The following DACH1 variants were observed in gnomAD, a reference collection of about 807,000 sequenced individuals.
DACH1 encodes the protein dachshund homolog 1.
In DACH1, 12 loss-of-function variants were observed where a neutral mutation model predicts 54.2. The ratio of observed to expected loss-of-function variants is 0.22; its 90% CI spans 0.14 to 0.36. DACH1 has a LOEUF of 0.36. Among genes scored for constraint, DACH1 ranks in the 10% least tolerant of loss-of-function variants. DACH1 has a pLI of 1.00. For synonymous variants in DACH1, 386 were observed against 366.2 expected (o/e 1.05, Z -0.62); for missense variants, 805 against 929.8 (o/e 0.87, Z 1.75).
At chr13:71,572,391 A>G (rs1053427424) in intron 4 of DACH1, among the ~76,000 whole-genome samples, 1 of 152,094 alleles carries the variant, frequency 6.6e-6, no homozygotes, top group African/African-American at 2.4e-5. Flanking sequence ...TACTTCATTT[A>G]GTTTTTACAA....
chr13:71,487,691 A>G (rs1878651399), intron 7 of DACH1, among the ~76,000 whole-genome samples: 1 of 152,204 alleles, frequency 6.6e-6, no homozygotes, highest in Non-Finnish European at 1.5e-5. Flanking sequence ...CTTTCAGTTA[A>G]TGACAATCCA....
At chr13:71,552,775 A>G (rs1223174895) in intron 6 of DACH1, among the ~76,000 whole-genome samples, 1 of 127,552 alleles carries the variant, frequency 7.8e-6, no homozygotes, top group African/African-American at 3.0e-5. Context: ...GCATATATAT[A>G]TATATATATG....
intron 1 of DACH1, among the ~76,000 whole-genome samples, chr13:71,731,411 C>T (rs1011123568): frequency 6.6e-6 from 1 of 151,490 alleles, no homozygotes; most frequent in South Asian, 2.1e-4. Flanking sequence ...CCTGCCTCAG[C>T]CTCCTGGGAC....
Position 71,770,494 on chromosome 13 carries a change from G to A in DACH1, c.849-88584C>T, listed in dbSNP as rs542739375. On this transcript the variant is annotated intron_variant, in intron 1 of 10. Coordinates refer to ENST00000613252, the MANE Select transcript of DACH1 (RefSeq NM_080759.6). ...ATCAGTTATATTATTCACATGCCCC[G>A]TAATCCAGTAACATTTCATTTTCTT... is the stretch of plus-strand genomic sequence containing the variant. Among the ~76,000 whole-genome samples, 13 of 151,490 alleles carry A rather than the reference G, an allele frequency of 8.6e-5. No individual in the cohort carries two copies. The East Asian group carries it at 2.5e-3, about 29-fold the overall frequency.
intron 1 of DACH1, among the ~76,000 whole-genome samples, chr13:71,830,322 T>A (rs913723394): frequency 6.6e-6 from 1 of 151,884 alleles, no homozygotes; most frequent in Non-Finnish European, 1.5e-5. Flanking sequence ...ATTTGCAGCT[T>A]GAAGTTGCAG....
chr13:71,679,102 G>C (rs555968846), intron 2 of DACH1, among the ~76,000 whole-genome samples: 2 of 152,178 alleles, frequency 1.3e-5, no homozygotes, highest in South Asian at 4.1e-4. Flanking sequence ...AAACATATAG[G>C]AAAGAACAAA....
intron 3 of DACH1, among the ~76,000 whole-genome samples, chr13:71,576,103 C>A (rs1346661615): frequency 6.6e-6 from 1 of 151,930 alleles, no homozygotes; most frequent in Non-Finnish European, 1.5e-5. Context: ...CACATAAATA[C>A]CTTTAAAATT....
intron 1 of DACH1, among the ~76,000 whole-genome samples, chr13:71,813,044 T>C (rs1236305035): frequency 1.3e-5 from 2 of 152,200 alleles, no homozygotes; most frequent in South Asian, 2.1e-4. Flanking sequence ...TACTAAAATC[T>C]TTTCTGATAT....
intron 1 of DACH1, among the ~76,000 whole-genome samples, chr13:71,833,900 C>A (rs1413892747): frequency 6.6e-6 from 1 of 151,950 alleles, no homozygotes; most frequent in Non-Finnish European, 1.5e-5. Flanking sequence ...TGAAATAGCA[C>A]AAGATATTTA....
At chr13:71,646,767 C>T (rs1280846774) in intron 2 of DACH1, among the ~76,000 whole-genome samples, 1 of 152,106 alleles carries the variant, frequency 6.6e-6, no homozygotes, top group African/African-American at 2.4e-5. Flanking sequence ...ATAAGAATGC[C>T]ATATTTGAGC....
intron 3 of DACH1, among the ~76,000 whole-genome samples, chr13:71,577,092 C>A (rs1432653783): frequency 6.6e-6 from 1 of 152,130 alleles, no homozygotes; most frequent in Non-Finnish European, 1.5e-5. Flanking sequence ...AGACTCTCCT[C>A]CAGCTTCATG....
intron 4 of DACH1, among the ~76,000 whole-genome samples, chr13:71,563,200 T>C (rs1048268266): frequency 2.0e-5 from 3 of 152,070 alleles, no homozygotes; most frequent in Non-Finnish European, 4.4e-5. Context: ...TTTTCTAAAT[T>C]AACCATTCTA....
chr13:71,650,061 C>T (rs1002669060), intron 2 of DACH1, among the ~76,000 whole-genome samples: 4 of 152,166 alleles, frequency 2.6e-5, no homozygotes, highest in African/African-American at 4.8e-5. Flanking sequence ...TCTCTTTAAA[C>T]GCATATTGGA....
intron 1 of DACH1, among the ~76,000 whole-genome samples, chr13:71,688,573 T>C (rs1881306395): frequency 6.6e-6 from 1 of 152,186 alleles, no homozygotes; most frequent in African/African-American, 2.4e-5. Flanking sequence ...TGTGTCCCAG[T>C]CATGTGCACT....
intron 1 of DACH1, among the ~76,000 whole-genome samples, chr13:71,709,985 C>G (rs996861202): frequency 6.6e-6 from 1 of 152,082 alleles, no homozygotes; most frequent in African/African-American, 2.4e-5. Context: ...ATAGCTGAGA[C>G]TACAAGTTTG....
chr13:71,562,340 ACT>A (rs1460226356), intron 4 of DACH1, among the ~76,000 whole-genome samples: 1 of 152,180 alleles, frequency 6.6e-6, no homozygotes, highest in Non-Finnish European at 1.5e-5. Flanking sequence ...CACTTAAAAT[ACT>A]GCAAATATGC....
intron 1 of DACH1, among the ~76,000 whole-genome samples, chr13:71,787,575 C>T (rs1236075548): frequency 1.3e-5 from 2 of 152,148 alleles, no homozygotes; most frequent in Admixed American, 6.6e-5. Context: ...TGTAGCCTCG[C>T]TTCGCTTGCC....
At chr13:71,585,688 A>G (rs1273148066) in intron 3 of DACH1, among the ~76,000 whole-genome samples, 2 of 152,176 alleles carry the variant, frequency 1.3e-5, no homozygotes, top group Admixed American at 1.3e-4. Context: ...GGACCAGATT[A>G]TGAAAGTTCT....
At chr13:71,823,486 AC>A (rs369589082) in intron 1 of DACH1, among the ~76,000 whole-genome samples, 60 of 152,254 alleles carry the variant, frequency 3.9e-4, no homozygotes, top group African/African-American at 1.4e-3. Context: ...ACTGAGAAAT[AC>A]ATTTCCTTTT....
Sources: gnomAD v4.1 joint callset for allele counts (sites outside exome capture counted in the v4.1 genomes callset) on GRCh38, gnomAD v4.1.1 for gene constraint, MANE v1.5 for transcripts, NCBI Gene and HGNC (gene_info 2026-07-23, HGNC 2026-07-21) for gene names.